GTF2H1: variants seen among roughly 807,000 people sequenced by gnomAD.
GTF2H1 encodes general transcription factor IIH subunit 1.
GTF2H1 carries 16 observed loss-of-function variants against 71.2 expected under a neutral mutation model. The observed-to-expected ratio is 0.22, with a 90% CI of 0.15 to 0.34. GTF2H1 has a LOEUF of 0.34. Among genes scored for constraint, GTF2H1 ranks in the 10% least tolerant of loss-of-function variants. The pLI is 1.00. For synonymous variants in GTF2H1, 215 were observed against 219.0 expected, an observed-to-expected ratio of 0.98 and a Z score of 0.16; for missense variants, 498 against 648.2, an observed-to-expected ratio of 0.77 and a Z score of 2.52.
intron 7 of GTF2H1, among the ~76,000 whole-genome samples, chr11:18,345,448 A>G (rs1361742706): frequency 2.0e-5 from 3 of 151,366 alleles, no homozygotes; most frequent in African/African-American, 7.3e-5. Flanking sequence ...CATGTCATGT[A>G]GTAATAATCA....
rs1018457943 is a variant in GTF2H1 at position 18,339,553 on chromosome 11, C to G, written c.514-11C>G. The G allele has an allele frequency of 1.9e-6, 3 of 1,594,872 alleles. No homozygotes were observed. Among genetic ancestry groups the G allele is most frequent in the Non-Finnish European group, 2.6e-6 (3 of 1,163,052 alleles). ...GCTCTAACGTGTATGTGTGTATGGG[C>G]TTTGTTTTAGGCTGATGTCCGGCCC... is the stretch of plus-strand genomic sequence containing the variant. On this transcript the variant is annotated splice_polypyrimidine_tract_variant and intron_variant, in intron 4 of 14. Coordinates refer to ENST00000265963, the MANE Select transcript of GTF2H1 (RefSeq NM_005316.4).
At chr11:18,326,712 G>A (rs1405134261) in intron 1 of GTF2H1, among the ~76,000 whole-genome samples, 2 of 152,014 alleles carry the variant, frequency 1.3e-5, no homozygotes, top group African/African-American at 2.4e-5. Context: ...TGCTCTATCA[G>A]CTGTCCTTGC....
At chr11:18,328,179 G>C (rs1302307882) in intron 1 of GTF2H1, among the ~76,000 whole-genome samples, 1 of 149,174 alleles carries the variant, frequency 6.7e-6, no homozygotes, top group African/African-American at 2.5e-5. Flanking sequence ...CTCCAGCCTG[G>C]GTGACAGAGG....
chr11:18,331,373 G>A lies in GTF2H1; in HGVS notation c.-15-1687G>A, dbSNP rs377428041. Among the ~76,000 whole-genome samples, 49 of 152,044 alleles carry A rather than the reference G, an allele frequency of 3.2e-4. 2 individuals are homozygous for A. The South Asian group carries it at 9.8e-3, about 30-fold the overall frequency. On this transcript the variant is annotated intron_variant, in intron 1 of 14. Transcript: ENST00000265963. ...GCCCAGCCATATTTATTAATCTTAA[G>A]AGGTGTTGGTTTGCTGGGCGCAGTG...
intron 7 of GTF2H1, among the ~76,000 whole-genome samples, chr11:18,345,234 G>A (rs994354662): frequency 6.6e-6 from 1 of 151,946 alleles, no homozygotes; most frequent in African/African-American, 2.4e-5. Context: ...AAATTAAAAA[G>A]TTGCGTGCTT....
chr11:18,328,198 A>G (rs1180160196), intron 1 of GTF2H1, among the ~76,000 whole-genome samples: 45 of 96,474 alleles, frequency 4.7e-4, no homozygotes, highest in Non-Finnish European at 7.6e-4. Flanking sequence ...GGGAGACTCC[A>G]TCTCAAAAAA....
chr11:18,340,022 T>TGTC (rs1244225345), intron 5 of GTF2H1, among the ~76,000 whole-genome samples: 2 of 151,896 alleles, frequency 1.3e-5, no homozygotes, highest in African/African-American at 4.8e-5. Flanking sequence ...AGAGCCAGTG[T>TGTC]GTCAGTCATT....
intron 14 of GTF2H1, among the ~76,000 whole-genome samples, chr11:18,363,103 A>G (rs926845368): frequency 2.0e-5 from 3 of 151,984 alleles, no homozygotes; most frequent in Non-Finnish European, 2.9e-5. Context: ...ATCTTGTCCC[A>G]CTGAAAAGTC....
chr11:18,327,087 A>G (rs1864785272), intron 1 of GTF2H1, among the ~76,000 whole-genome samples: 2 of 152,170 alleles, frequency 1.3e-5, no homozygotes, highest in African/African-American at 4.8e-5. Flanking sequence ...GCATAGTTAT[A>G]TGTTTATTGT....
At chr11:18,330,637 C>T (rs1308880254) in intron 1 of GTF2H1, among the ~76,000 whole-genome samples, 1 of 152,198 alleles carries the variant, frequency 6.6e-6, no homozygotes, top group African/African-American at 2.4e-5. Context: ...TGTAGCTTAT[C>T]TGCTTTTTCT....
At chr11:18,331,281 C>T (rs1590181625) in intron 1 of GTF2H1, among the ~76,000 whole-genome samples, 1 of 152,230 alleles carries the variant, frequency 6.6e-6, no homozygotes, top group Non-Finnish European at 1.5e-5. Context: ...GTCTCGAGCT[C>T]CTGAGCTCAA....
At chr11:18,358,240 A>C in intron 12 of GTF2H1, 198 bp downstream of exon 12, 1 of 597,134 alleles carries the variant, frequency 1.7e-6, no homozygotes, top group East Asian at 2.8e-5. Flanking sequence ...ACTATTACAA[A>C]TAGTGGTACA....
chr11:18,326,457 G>T (rs1398635893), intron 1 of GTF2H1, among the ~76,000 whole-genome samples: 2 of 152,116 alleles, frequency 1.3e-5, no homozygotes, highest in Non-Finnish European at 2.9e-5. Flanking sequence ...GGGAGGTGGA[G>T]GTTGCAGTAA....
chr11:18,328,494 CAG>C lies in GTF2H1; in HGVS notation c.-15-4563_-15-4562del, dbSNP rs1261246616. ...CGCCACTGCACTCCAGCCTGGGTGA[CAG>C]AGCAAGACTCCATCTCAAAAAAAAA... On this transcript the variant is annotated intron_variant, in intron 1 of 14. Transcript: ENST00000265963. Among the ~76,000 whole-genome samples the C allele has an allele frequency of 2.2e-5, 3 of 139,056 alleles. No homozygotes were observed. In the East Asian group the frequency reaches 6.2e-4, roughly 29 times the overall value. The allele number at this position is 139,056 out of a possible 152,430, so 91.2% of individuals were successfully genotyped here.
chr11:18,356,345 T>G (rs1252571124), intron 11 of GTF2H1, among the ~76,000 whole-genome samples: 1 of 135,518 alleles, frequency 7.4e-6, no homozygotes, highest in Non-Finnish European at 1.5e-5. Context: ...ACCACTGCAC[T>G]CCAGCCTGGG....
Position 18,363,346 on chromosome 11 carries a change from T to C in GTF2H1, c.1561-2437T>C, listed in dbSNP as rs1360435378. On this transcript the variant is annotated intron_variant, in intron 14 of 14. Coordinates refer to ENST00000265963, the MANE Select transcript of GTF2H1 (RefSeq NM_005316.4). ...ATACATAATTGTACATGCTATACTT[T>C]TATACAGCTGGCTACTTAATAGGTT... 3.3e-5 allele frequency among the ~76,000 whole-genome samples: 5 copies of C among 152,196 alleles called. No individual in the cohort carries two copies. The East Asian group carries it at 7.7e-4, about 23-fold the overall frequency.
chr11:18,346,313 TA>T (rs1865292075), intron 7 of GTF2H1, among the ~76,000 whole-genome samples: 1 of 152,208 alleles, frequency 6.6e-6, no homozygotes, highest in African/African-American at 2.4e-5. Flanking sequence ...ACCTCCCAAA[TA>T]ATCAGGACCA....
intron 12 of GTF2H1, 50 bp from the exon 13 acceptor site, chr11:18,358,475 G>T: frequency 3.8e-6 from 4 of 1,047,710 alleles, no homozygotes; most frequent in Middle Eastern, 2.0e-4. Context: ...TTTCGAGACT[G>T]TATATGTTAA....
chr11:18,333,009 C>T, intron 1 of GTF2H1, 51 bp from the exon 2 acceptor site: 1 of 1,316,374 alleles, frequency 7.6e-7, no homozygotes, highest in Non-Finnish European at 1.0e-6. Flanking sequence ...AAATTCAACC[C>T]TAATTGATGT....
Sources: gnomAD v4.1 joint callset for allele counts (sites outside exome capture counted in the v4.1 genomes callset) on GRCh38, gnomAD v4.1.1 for gene constraint, MANE v1.5 for transcripts, NCBI Gene and HGNC (gene_info 2026-07-23, HGNC 2026-07-21) for gene names.